Variants in YWHAE observed in about 807,000 individuals in gnomAD.
YWHAE encodes tyrosine 3-monooxygenase/tryptophan 5-monooxygenase activation protein epsilon.
A neutral mutation model predicts 30.1 loss-of-function variants in YWHAE; 4 were observed. The ratio of observed to expected loss-of-function variants is 0.13; its 90% confidence interval spans 0.07 to 0.30. The LOEUF is 0.30. Among genes scored for constraint, YWHAE ranks in the 10% least tolerant of loss-of-function variants. YWHAE has a pLI of 1.00. For missense variants in YWHAE, 121 were observed against 315.9 expected, an observed-to-expected ratio of 0.38 and a Z score of 4.68; for synonymous variants, 118 against 111.8, an observed-to-expected ratio of 1.06 and a Z score of -0.35.
intron 1 of YWHAE, among the ~76,000 whole-genome samples, chr17:1,370,067 T>C (rs2073006895): frequency 6.6e-6 from 1 of 151,422 alleles, no homozygotes; most frequent in Non-Finnish European, 1.5e-5. Flanking sequence ...CTTTCCTGCA[T>C]GATTTCTCTG....
intron 4 of YWHAE, among the ~76,000 whole-genome samples, chr17:1,354,807 C>T (rs1384915902): frequency 1.3e-5 from 2 of 151,706 alleles, no homozygotes; most frequent in South Asian, 2.1e-4. Flanking sequence ...GGACTACAGG[C>T]GCCCGCCACC....
intron 4 of YWHAE, among the ~76,000 whole-genome samples, chr17:1,358,946 C>T (rs1019235660): frequency 6.6e-6 from 1 of 151,080 alleles, no homozygotes; most frequent in Non-Finnish European, 1.5e-5. Context: ...ACTAGCCTGG[C>T]CAACACTGTG....
intron 1 of YWHAE, among the ~76,000 whole-genome samples, chr17:1,395,522 G>A (rs892172204): frequency 6.6e-6 from 1 of 151,972 alleles, no homozygotes; most frequent in Non-Finnish European, 1.5e-5. Flanking sequence ...GAGCCCAGTC[G>A]TAGAAGGGAT....
At chr17:1,368,619 T>C (rs1354923407) in intron 1 of YWHAE, among the ~76,000 whole-genome samples, 3 of 151,920 alleles carry the variant, frequency 2.0e-5, no homozygotes, top group Admixed American at 1.3e-4. Context: ...CATTAATTCA[T>C]TTGTAGGAGT....
In YWHAE at chr17:1,358,186, C is replaced by T. The variant is rs148222953; in HGVS notation, c.578+2906G>A. Among the ~76,000 whole-genome samples, 933 of 152,202 alleles carry T rather than the reference C, an allele frequency of 6.1e-3. 9 individuals carry two copies. Among genetic ancestry groups the T allele is most frequent in the African/African-American group, 0.021 (859 of 41,536 alleles). The stretch of plus-strand genomic sequence containing the variant: ...AGAGGATTACTTGAGGCCAGGATTT[C>T]AAGACCAGCTTCGGCAACACAGCCA... On this transcript the variant is annotated intron_variant, in intron 4 of 5. Coordinates refer to ENST00000264335, the MANE Select transcript of YWHAE (RefSeq NM_006761.5).
intron 1 of YWHAE, among the ~76,000 whole-genome samples, chr17:1,384,659 C>T (rs947739463): frequency 1.3e-5 from 2 of 151,952 alleles, no homozygotes; most frequent in South Asian, 2.1e-4. Context: ...GAACTCCTGA[C>T]ATTATGATCC....
Position 1,394,350 on chromosome 17 carries a change from C to T in YWHAE, c.64+5697G>A, listed in dbSNP as rs2150879464. Among the ~76,000 whole-genome samples the T allele has an allele frequency of 2.0e-5, 3 of 147,938 alleles. 1 individual carries two copies. The South Asian group carries it at 6.4e-4, about 32-fold the overall frequency. On this transcript the variant is annotated intron_variant, in intron 1 of 5. Coordinates refer to ENST00000264335, the MANE Select transcript of YWHAE (RefSeq NM_006761.5). The stretch of plus-strand genomic sequence containing the variant: ...AGTTTAGGCCAGAAGCAGTGACTCA[C>T]ACCTGTAATCCCAGCACTTTGGGAG...
chr17:1,376,870 G>C (rs1359916066), intron 1 of YWHAE, among the ~76,000 whole-genome samples: 1 of 151,784 alleles, frequency 6.6e-6, no homozygotes, highest in East Asian at 1.9e-4. Context: ...AGCAGGTTCT[G>C]TACTGGCTGA....
chr17:1,388,114 G>GTT (rs1567983280), intron 1 of YWHAE, among the ~76,000 whole-genome samples: 53 of 40,328 alleles, frequency 1.3e-3, no homozygotes, highest in African/African-American at 6.3e-3. Flanking sequence ...TTTTTTTTTG[G>GTT]TTGGTTTTTT....
chr17:1,386,777 C>A (rs1228347412), intron 1 of YWHAE, among the ~76,000 whole-genome samples: 1 of 152,036 alleles, frequency 6.6e-6, no homozygotes, highest in Non-Finnish European at 1.5e-5. Flanking sequence ...CGGTGAAACA[C>A]CCGTCTCTAC....
chr17:1,359,061 G>A (rs1357586329), intron 4 of YWHAE, among the ~76,000 whole-genome samples: 1 of 151,774 alleles, frequency 6.6e-6, no homozygotes, highest in African/African-American at 2.4e-5. Context: ...GCTTGAACCT[G>A]GAAGGCAGAG....
At chr17:1,394,567 C>T (rs911048470) in intron 1 of YWHAE, among the ~76,000 whole-genome samples, 2 of 151,700 alleles carry the variant, frequency 1.3e-5, no homozygotes, top group African/African-American at 4.8e-5. Flanking sequence ...AATGGCGACA[C>T]TGCACTTCAG....
At chr17:1,384,585 C>T (rs2073272121) in intron 1 of YWHAE, among the ~76,000 whole-genome samples, 1 of 152,062 alleles carries the variant, frequency 6.6e-6, no homozygotes, top group East Asian at 1.9e-4. Context: ...CCCAGCTACT[C>T]AGGAGGCTGA....
At chr17:1,381,551 A>G (rs547071896) in intron 1 of YWHAE, among the ~76,000 whole-genome samples, 94 of 152,180 alleles carry the variant, frequency 6.2e-4, no homozygotes, top group African/African-American at 2.2e-3. Flanking sequence ...ATAAAACACG[A>G]AAGGCTCAAG....
At chr17:1,351,388 A>C (rs776850560) in intron 5 of YWHAE, among the ~76,000 whole-genome samples, 29 of 152,026 alleles carry the variant, frequency 1.9e-4, no homozygotes, top group Non-Finnish European at 4.4e-5. Flanking sequence ...CAAAAAAAAA[A>C]AATAAAACAC....
chr17:1,366,749 C>T (rs941609362), intron 1 of YWHAE, among the ~76,000 whole-genome samples: 5 of 151,998 alleles, frequency 3.3e-5, no homozygotes, highest in African/African-American at 1.2e-4. Flanking sequence ...TCGAGACCAG[C>T]CTGGCCAACA....
intron 5 of YWHAE, among the ~76,000 whole-genome samples, chr17:1,349,021 G>T (rs2072573141): frequency 6.8e-6 from 1 of 147,178 alleles, no homozygotes; most frequent in African/African-American, 2.5e-5. Context: ...GCAAGACTCT[G>T]TCTCACGAAA....
chr17:1,380,862 T>C (rs2073195928), intron 1 of YWHAE, among the ~76,000 whole-genome samples: 1 of 152,196 alleles, frequency 6.6e-6, no homozygotes, highest in Non-Finnish European at 1.5e-5. Context: ...CCCCAATTAA[T>C]GTCTCACCTA....
intron 1 of YWHAE, among the ~76,000 whole-genome samples, chr17:1,369,419 G>C (rs374977500): frequency 1.3e-5 from 2 of 152,260 alleles, no homozygotes; most frequent in African/African-American, 4.8e-5. Flanking sequence ...GCTTGAACCC[G>C]GGAGGCGGAG....
Sources: gnomAD v4.1 joint callset for allele counts (sites outside exome capture counted in the v4.1 genomes callset) on GRCh38, gnomAD v4.1.1 for gene constraint, MANE v1.5 for transcripts, NCBI Gene and HGNC (gene_info 2026-07-23, HGNC 2026-07-21) for gene names.